GNG2: variants seen among roughly 807,000 people sequenced by gnomAD.
GNG2 encodes G protein subunit gamma 2, also known as guanine nucleotide-binding protein G(I)/G(S)/G(O) subunit gamma-2.
In GNG2, 5 loss-of-function variants were observed where a neutral mutation model predicts 5.5. The ratio of observed to expected loss-of-function variants is 0.91; its 90% CI spans 0.48 to 1.92. The LOEUF is 1.92. Among genes scored for constraint, GNG2 ranks in the 30% most tolerant of loss-of-function variants. GNG2 has a pLI of 0.01. For synonymous variants in GNG2, 28 were observed against 32.0 expected (o/e 0.88, Z 0.42); for missense variants, 55 against 88.4 (o/e 0.62, Z 1.52).
chr14:51,913,312 C>T (rs1886401606), intron 2 of GNG2: 2 of 152,026 alleles, frequency 1.3e-5, no homozygotes, highest in South Asian at 2.1e-4. Context: ...AGTTTGAGAC[C>T]AGCACAGGAA....
intron 2 of GNG2, among the ~76,000 whole-genome samples, chr14:51,944,889 G>A (rs371945046): frequency 4.6e-5 from 7 of 152,120 alleles, no homozygotes; most frequent in African/African-American, 1.7e-4. Flanking sequence ...CCACTTATAT[G>A]ATACAGAATT....
chr14:51,934,840 C>T (rs1887882816), intron 2 of GNG2, among the ~76,000 whole-genome samples: 1 of 152,186 alleles, frequency 6.6e-6, no homozygotes, highest in Non-Finnish European at 1.5e-5. Flanking sequence ...CCCTGGAGAT[C>T]CACACAATTA....
In GNG2 at chr14:51,966,868, AT is replaced by A. The variant is rs773105378; in HGVS notation, c.*182del. 2.1e-6 allele frequency: 1 copy of A among 478,196 alleles called. No individual in the cohort carries two copies. The highest frequency in any genetic ancestry group is 3.8e-6 in the Non-Finnish European group (1 of 264,618). The allele number at this position is 478,196 out of a possible 1,614,324, so 29.6% of individuals were successfully genotyped here. On this transcript the variant is annotated 3_prime_UTR_variant, in exon 4 of 4. Transcript: ENST00000556766. ...TTTATGAGAATGCAAGCCGATCCACATCCTGACTTAAGAGATCTGATTCTGA... is the reference window on the plus strand; with the variant it reads ...TTTATGAGAATGCAAGCCGATCCACACCTGACTTAAGAGATCTGATTCTGA...
intron 2 of GNG2, among the ~76,000 whole-genome samples, chr14:51,929,539 A>G (rs1887532465): frequency 6.6e-6 from 1 of 152,232 alleles, no homozygotes; most frequent in African/African-American, 2.4e-5. Context: ...AAAGAATACC[A>G]GGCATTAGTC....
In GNG2 at chr14:51,912,177, CTT is replaced by C. The variant is rs563890289; in HGVS notation, c.-30+34522_-30+34523del. On this transcript the variant is annotated intron_variant, in intron 2 of 3. Coordinates refer to ENST00000556766, the MANE Select transcript of GNG2 (RefSeq NM_053064.5). ...GGCCCAGAGCCCAAGCTCTTGACCA[CTT>C]TGCTGCACTGCCTCTCAGCCATATA... 2.3e-3 allele frequency among the ~76,000 whole-genome samples: 293 copies of C among 126,588 alleles called. 28 individuals carry two copies. The highest frequency in any genetic ancestry group is 8.9e-3 in the African/African-American group (275 of 30,738). 83.0% of individuals were successfully genotyped at this position (126,588 alleles called of 152,430 possible).
intron 3 of GNG2, among the ~76,000 whole-genome samples, chr14:51,964,648 A>G (rs779918608): frequency 1.3e-5 from 2 of 152,142 alleles, no homozygotes; most frequent in African/African-American, 2.4e-5. Flanking sequence ...CAAAAATTCA[A>G]CGGTTTATGG....
chr14:51,946,213 A>G (rs937812834), intron 2 of GNG2, among the ~76,000 whole-genome samples: 1 of 152,230 alleles, frequency 6.6e-6, no homozygotes, highest in African/African-American at 2.4e-5. Flanking sequence ...CCAGCAACAT[A>G]GTATTCAAAA....
chr14:51,911,750 A>G (rs1457205654), intron 2 of GNG2, among the ~76,000 whole-genome samples: 1 of 147,202 alleles, frequency 6.8e-6, no homozygotes, highest in East Asian at 2.2e-4. Context: ...GTCTCACTAT[A>G]TTTCCCAGAC....
chr14:51,835,874 C>A (rs1424868655), intron 2 of GNG2, among the ~76,000 whole-genome samples: 1 of 152,022 alleles, frequency 6.6e-6, no homozygotes. Context: ...TTTAAGGAAG[C>A]TTTAAATGTC....
intron 2 of GNG2, chr14:51,914,408 G>C: frequency 1.6e-6 from 1 of 622,784 alleles, no homozygotes. Context: ...AAGGATCCTT[G>C]TGCTAAGGTT....
At chr14:51,827,221 A>C (rs1428887829) in intron 1 of GNG2, among the ~76,000 whole-genome samples, 2 of 152,238 alleles carry the variant, frequency 1.3e-5, no homozygotes, top group Non-Finnish European at 2.9e-5. Context: ...TACTCTTTAA[A>C]GCCTTCCAGG....
chr14:51,908,063 G>C (rs1886041857), intron 2 of GNG2, among the ~76,000 whole-genome samples: 1 of 152,240 alleles, frequency 6.6e-6, no homozygotes, highest in Non-Finnish European at 1.5e-5. Context: ...AATCCAGGAT[G>C]GTTCTGGCTC....
chr14:51,948,116 C>T (rs952152991), intron 2 of GNG2, among the ~76,000 whole-genome samples: 31 of 152,224 alleles, frequency 2.0e-4, no homozygotes, highest in African/African-American at 7.5e-4. Context: ...CTCTTCCCTT[C>T]AAGAACATTT....
chr14:51,889,803 T>C (rs75478143), intron 2 of GNG2, among the ~76,000 whole-genome samples: 1,788 of 152,280 alleles, frequency 0.012, 21 homozygotes, highest in Middle Eastern at 0.041. Context: ...ACTGTTTTGG[T>C]TTATTGGAGA....
At chr14:51,860,220 C>CA (rs61492742), upstream of GNG2, among the ~76,000 whole-genome samples, 38,380 of 146,502 alleles carry the variant, frequency 0.26, 5,257 homozygotes, top group African/African-American at 0.35. Flanking sequence ...GATGTTGACC[C>CA]AAAAAAAAAC....
At chr14:51,852,904 T>C (rs1430222911) in intron 2 of GNG2, among the ~76,000 whole-genome samples, 4 of 152,266 alleles carry the variant, frequency 2.6e-5, no homozygotes, top group Non-Finnish European at 5.9e-5. Context: ...TGGGACTTCA[T>C]TATCATCTAA....
At chr14:51,932,271 A>AAAAAAAAAAAAAAAAAAAAAAAAAAAG (rs60014306) in intron 2 of GNG2, among the ~76,000 whole-genome samples, 1 of 96,340 alleles carries the variant, frequency 1.0e-5, no homozygotes, top group African/African-American at 4.1e-5. Context: ...AAAAAAAAAA[A>AAAAAAAAAAAAAAAAAAAAAAAAAAAG]AGAAAAGAAA....
intron 2 of GNG2, among the ~76,000 whole-genome samples, chr14:51,886,970 C>T (rs1209787002): frequency 6.6e-6 from 1 of 152,148 alleles, no homozygotes; most frequent in Admixed American, 6.5e-5. Context: ...GAAGGAATGG[C>T]AGTATTTCCA....
intron 2 of GNG2, among the ~76,000 whole-genome samples, chr14:51,881,784 T>TA (rs1884097582): frequency 6.6e-6 from 1 of 151,010 alleles, no homozygotes; most frequent in Non-Finnish European, 1.5e-5. Flanking sequence ...CAAAGCATTC[T>TA]ATTTCAATTC....
Sources: allele counts gnomAD v4.1 joint callset (sites outside exome capture counted in the v4.1 genomes callset), GRCh38; gene constraint gnomAD v4.1.1; transcripts MANE v1.5; gene names NCBI Gene and HGNC (gene_info 2026-07-23, HGNC 2026-07-21).